Variants in SNX30 observed in about 807,000 individuals in gnomAD.
The protein encoded by SNX30 is sorting nexin family member 30, also known as sorting nexin-30.
Under a neutral mutation model 46.4 loss-of-function variants are expected in SNX30, and 24 were observed. That is an observed-to-expected ratio of 0.52 (90% confidence interval 0.37 to 0.73). The LOEUF (loss-of-function observed/expected upper bound fraction) is 0.73. Among genes scored for constraint, SNX30 ranks in the 30% least tolerant of loss-of-function variants. The probability of loss-of-function intolerance (pLI) is 0.00; values close to 1 mark genes in which losing one functional copy is unlikely to be tolerated. For synonymous variants in SNX30, 189 were observed against 211.5 expected (o/e 0.89, Z 0.92); for missense variants, 533 against 555.7 (o/e 0.96, Z 0.41).
chr9:112,756,310 C>A (rs920174055), intron 1 of SNX30, among the ~76,000 whole-genome samples: 24 of 152,044 alleles, frequency 1.6e-4, no homozygotes, highest in African/African-American at 5.8e-4. Flanking sequence ...TTCATTAAAT[C>A]TTTAGACCCC....
intron 6 of SNX30, among the ~76,000 whole-genome samples, chr9:112,846,179 TAACAGGTGTGCA>T (rs1588136647): frequency 6.6e-6 from 1 of 152,032 alleles, no homozygotes; most frequent in Non-Finnish European, 1.5e-5. Context: ...ACCATCTGAA[TAACAGGTGTGCA>T]GGCAGAGAAA....
intron 1 of SNX30, among the ~76,000 whole-genome samples, chr9:112,776,968 C>A (rs1025647527): frequency 5.9e-5 from 9 of 152,140 alleles, no homozygotes; most frequent in Non-Finnish European, 1.2e-4. Flanking sequence ...GCTCACCGCC[C>A]CCTGCCTTCC....
intron 4 of SNX30, among the ~76,000 whole-genome samples, chr9:112,832,491 T>TGAGAGAGA (rs1564284710): frequency 2.2e-5 from 3 of 135,696 alleles, no homozygotes; most frequent in African/African-American, 8.6e-5. Context: ...TGTGTGTGTG[T>TGAGAGAGA]GTGTGAGAGA....
intron 1 of SNX30, among the ~76,000 whole-genome samples, chr9:112,793,804 G>GT (rs199882365): frequency 0.073 from 10,193 of 139,064 alleles, 827 homozygotes; most frequent in African/African-American, 0.2. Flanking sequence ...ACTGTTTTTT[G>GT]TTTTTTTTTT....
chr9:112,782,876 G>A (rs1218820831), intron 1 of SNX30, among the ~76,000 whole-genome samples: 1 of 152,232 alleles, frequency 6.6e-6, no homozygotes, highest in East Asian at 1.9e-4. Context: ...TCTATTGTAA[G>A]AGCAGACACT....
downstream of SNX30, chr9:112,879,704 T>G: frequency 2.6e-6 from 4 of 1,521,468 alleles, no homozygotes; most frequent in Non-Finnish European, 3.6e-6. Context: ...GGTCCCTTCT[T>G]TTGTCTTCTG....
intron 1 of SNX30, among the ~76,000 whole-genome samples, chr9:112,770,106 G>T (rs1416409284): frequency 6.6e-6 from 1 of 152,056 alleles, no homozygotes; most frequent in Non-Finnish European, 1.5e-5. Flanking sequence ...GGCAGCAACC[G>T]GAGGGATTAT....
chr9:112,820,734 T>C (rs889260654), intron 3 of SNX30, among the ~76,000 whole-genome samples: 1 of 152,202 alleles, frequency 6.6e-6, no homozygotes, highest in African/African-American at 2.4e-5. Context: ...CTCATGTACT[T>C]TCTACAGATT....
chr9:112,774,734 A>G (rs1275237051), intron 1 of SNX30, among the ~76,000 whole-genome samples: 1 of 152,070 alleles, frequency 6.6e-6, no homozygotes, highest in East Asian at 1.9e-4. Flanking sequence ...TTCACATGCA[A>G]ATTGGCTATT....
At chr9:112,764,522 A>G (rs1242343681) in intron 1 of SNX30, among the ~76,000 whole-genome samples, 1 of 152,158 alleles carries the variant, frequency 6.6e-6, no homozygotes, top group Non-Finnish European at 1.5e-5. Flanking sequence ...GACTGTGGGC[A>G]TGTGTCACTG....
Position 112,874,348 on chromosome 9 carries a change from T to C in SNX30, c.*5505T>C, listed in dbSNP as rs1272051694. On this transcript the variant is annotated 3_prime_UTR_variant, in exon 9 of 9. Coordinates refer to ENST00000374232, the MANE Select transcript of SNX30 (RefSeq NM_001012994.2). ...TGCCTGTTCCCTTCATTGCTGTGAG[T>C]TGGGAGTGCATTGAGAGATGATGTC... 1 of 152,304 alleles carries C rather than the reference T, an allele frequency of 6.6e-6. No homozygotes were observed. Among genetic ancestry groups the C allele is most frequent in the East Asian group, 1.9e-4 (1 of 5,186 alleles). The allele number at this position is 152,304 out of a possible 1,614,324, so 9.4% of individuals were successfully genotyped here. A position where few individuals can be genotyped will look rare whatever the true frequency, so the allele number is the denominator to read the frequency against.
intron 6 of SNX30, among the ~76,000 whole-genome samples, chr9:112,847,401 T>C (rs996782281): frequency 6.6e-5 from 10 of 152,096 alleles, no homozygotes; most frequent in Non-Finnish European, 1.3e-4. Context: ...AATCATATTA[T>C]TTCATACAGA....
At chr9:112,758,393 G>A (rs552566599) in intron 1 of SNX30, among the ~76,000 whole-genome samples, 10 of 152,036 alleles carry the variant, frequency 6.6e-5, no homozygotes, top group African/African-American at 2.2e-4. Context: ...GCAGTGGCAC[G>A]ATCTTGGCTC....
upstream of SNX30, among the ~76,000 whole-genome samples, chr9:112,750,626 T>TCCTC (rs1296594968): frequency 3.3e-5 from 5 of 151,250 alleles, no homozygotes; most frequent in Non-Finnish European, 5.9e-5. Context: ...GGGCCGCGCC[T>TCCTC]CCTCCCTCCC....
rs183220956 is a variant in SNX30 at position 112,792,062 on chromosome 9, A to G, written c.157-12714A>G. On this transcript the variant is annotated intron_variant, in intron 1 of 8. Transcript: ENST00000374232. ...TTGTCCTAATATTTTGATACCGGATATAGATAGTCATCATGAAATGATTTG... is the reference window on the plus strand; with the variant it reads ...TTGTCCTAATATTTTGATACCGGATGTAGATAGTCATCATGAAATGATTTG... Among the ~76,000 whole-genome samples, 465 of 152,288 alleles carry G rather than the reference A, an allele frequency of 3.1e-3. 1 individual carries two copies. The highest frequency in any genetic ancestry group is 4.5e-3 in the Non-Finnish European group (304 of 68,026).
At chr9:112,804,198 C>G (rs1840184960) in intron 1 of SNX30, among the ~76,000 whole-genome samples, 1 of 151,834 alleles carries the variant, frequency 6.6e-6, no homozygotes. Context: ...GAGTTTCGCT[C>G]TTGTTGCCCA....
At chr9:112,794,968 T>C (rs1252049244) in intron 1 of SNX30, among the ~76,000 whole-genome samples, 1 of 152,222 alleles carries the variant, frequency 6.6e-6, no homozygotes, top group African/African-American at 2.4e-5. Context: ...GTTTTCATTA[T>C]TAATCAACTA....
At chr9:112,795,410 C>T (rs1840090633) in intron 1 of SNX30, among the ~76,000 whole-genome samples, 3 of 152,100 alleles carry the variant, frequency 2.0e-5, no homozygotes, top group Admixed American at 2.0e-4. Context: ...GCTTGTCCTT[C>T]CACAGACATT....
chr9:112,804,456 C>T (rs1208453897), intron 1 of SNX30, among the ~76,000 whole-genome samples: 3 of 152,218 alleles, frequency 2.0e-5, no homozygotes, highest in Admixed American at 6.5e-5. Flanking sequence ...TGAGCCACTG[C>T]GCCCAGCCCC....
Sources: allele counts gnomAD v4.1 joint callset (sites outside exome capture counted in the v4.1 genomes callset), GRCh38; gene constraint gnomAD v4.1.1; transcripts MANE v1.5; gene names NCBI Gene and HGNC (gene_info 2026-07-23, HGNC 2026-07-21).